The following WDR72 variants were observed in gnomAD, a reference collection of about 807,000 sequenced individuals.
The protein encoded by WDR72 is WD repeat-containing protein 72.
A neutral mutation model predicts 124.2 loss-of-function variants in WDR72; 120 were observed. That is an observed-to-expected ratio of 0.97 (90% CI 0.83 to 1.12). WDR72 has a LOEUF of 1.12. WDR72 is among the 50% of genes most tolerant of loss of function. WDR72 has a pLI of 0.00. For synonymous variants in WDR72, 452 were observed against 441.7 expected (o/e 1.02, Z -0.29); for missense variants, 1,387 against 1,278.8 (o/e 1.08, Z -1.29).
rs200546294 is a variant in WDR72 at position 53,702,141 on chromosome 15, T to C, written c.1562A>G (p.Lys521Arg). The C allele has an allele frequency of 6.2e-7, 1 of 1,611,994 alleles. No individual in the cohort carries two copies. The highest frequency in any genetic ancestry group is 2.2e-5 in the East Asian group (1 of 44,814). The change falls in exon 12 of 20, where the codon AAG becomes AGG. Residue 521 changes from lysine to arginine, a missense_variant. Transcript: ENST00000360509. ...TTTTACTCTTCGTCTTACTTTAAAC[T>C]TCTCTGGTGACATCAAAAGACTTGT... is the stretch of plus-strand genomic sequence containing the variant. ...PVTSLLMSPEKFKLRGEQIIC... is the reference protein window; with the variant it reads ...PVTSLLMSPERFKLRGEQIIC...
At chr15:53,664,854 T>C (rs1595830610) in intron 14 of WDR72, among the ~76,000 whole-genome samples, 1 of 152,076 alleles carries the variant, frequency 6.6e-6, no homozygotes, top group Admixed American at 6.6e-5. Context: ...AAAAGTTACA[T>C]ATTAATACCA....
intron 17 of WDR72, among the ~76,000 whole-genome samples, chr15:53,608,185 A>G (rs1320406546): frequency 2.6e-5 from 4 of 152,220 alleles, no homozygotes; most frequent in African/African-American, 9.6e-5. Flanking sequence ...AGTATATCAA[A>G]GAGAAATCTG....
chr15:53,556,343 C>G (rs1234204860), intron 18 of WDR72, among the ~76,000 whole-genome samples: 8 of 152,052 alleles, frequency 5.3e-5, no homozygotes, highest in Non-Finnish European at 1.0e-4. Context: ...GTGTTCCTTT[C>G]TTCATTTTAG....
intron 1 of WDR72, among the ~76,000 whole-genome samples, chr15:53,744,091 T>G (rs2018581725): frequency 6.6e-6 from 1 of 152,172 alleles, no homozygotes; most frequent in African/African-American, 2.4e-5. Flanking sequence ...AGGATTTTAG[T>G]AACGGAGTTC....
At position 53,516,140 on chromosome 15, in the gene WDR72, A is replaced by G. The variant is rs1305371206; in HGVS notation, c.*1559T>C. 1.3e-5 allele frequency: 2 copies of G among 152,164 alleles called. No homozygotes were observed. Among genetic ancestry groups the G allele is most frequent in the African/African-American group, 4.8e-5 (2 of 41,456 alleles). The allele number at this position is 152,164 out of a possible 1,614,324, so 9.4% of individuals were successfully genotyped here. A position where few individuals can be genotyped will look rare whatever the true frequency, so the allele number is the denominator to read the frequency against. On this transcript the variant is annotated 3_prime_UTR_variant, in exon 20 of 20. Coordinates refer to ENST00000360509, the MANE Select transcript of WDR72 (RefSeq NM_182758.4). Reference sequence around the variant, plus strand: ...TATCAATCAGTTTTCAAAGGATAATAATTTTCCATGATTATTCATATTAAT... The same window carrying G: ...TATCAATCAGTTTTCAAAGGATAATGATTTTCCATGATTATTCATATTAAT...
At chr15:53,744,899 G>A (rs1172722582) in intron 1 of WDR72, among the ~76,000 whole-genome samples, 2 of 152,104 alleles carry the variant, frequency 1.3e-5, no homozygotes, top group Admixed American at 6.6e-5. Context: ...TCTGGGGAAC[G>A]TAACCACCCC....
chr15:53,613,477 AAAGT>A (rs1342975492), intron 16 of WDR72, among the ~76,000 whole-genome samples, 185 bp downstream of exon 16: 1 of 152,098 alleles, frequency 6.6e-6, no homozygotes, highest in Non-Finnish European at 1.5e-5. Flanking sequence ...CTAAATGAAG[AAAGT>A]AAGGCCCAGA....
At chr15:53,708,575 T>A (rs1329345872) in intron 9 of WDR72, among the ~76,000 whole-genome samples, 1 of 152,148 alleles carries the variant, frequency 6.6e-6, no homozygotes, top group East Asian at 1.9e-4. Flanking sequence ...TCCTGGGAAT[T>A]CACCTCTCTG....
At chr15:53,643,084 A>G (rs1483467836) in intron 14 of WDR72, among the ~76,000 whole-genome samples, 2 of 152,272 alleles carry the variant, frequency 1.3e-5, no homozygotes, top group Admixed American at 1.3e-4. Context: ...AGTAGAAAAT[A>G]CCAGTTAGGA....
intron 2 of WDR72, among the ~76,000 whole-genome samples, chr15:53,726,127 CA>C (rs2018017660): frequency 1.3e-5 from 2 of 149,178 alleles, no homozygotes; most frequent in South Asian, 4.2e-4. Flanking sequence ...ATAAAACGTA[CA>C]ATACCAAGAG....
intron 3 of WDR72, among the ~76,000 whole-genome samples, chr15:53,720,032 T>C (rs989984119): frequency 2.6e-5 from 4 of 152,184 alleles, no homozygotes; most frequent in Non-Finnish European, 5.9e-5. Context: ...ATACATATGA[T>C]AATATGTAAT....
chr15:53,669,091 T>C (rs914673472), intron 13 of WDR72, among the ~76,000 whole-genome samples: 3 of 151,762 alleles, frequency 2.0e-5, no homozygotes, highest in African/African-American at 7.3e-5. Flanking sequence ...TTTTCTTGGT[T>C]CTCGTGTACT....
intron 14 of WDR72, among the ~76,000 whole-genome samples, chr15:53,647,393 A>T (rs1171611178): frequency 1.3e-5 from 2 of 152,130 alleles, no homozygotes; most frequent in Non-Finnish European, 2.9e-5. Flanking sequence ...AATAATAAAG[A>T]TAATCAAAAG....
At chr15:53,527,484 G>A (rs984939662) in intron 18 of WDR72, among the ~76,000 whole-genome samples, 2 of 152,044 alleles carry the variant, frequency 1.3e-5, no homozygotes, top group Non-Finnish European at 2.9e-5. Flanking sequence ...CTAGGCAACT[G>A]CTGTTGGACA....
Position 53,718,809 on chromosome 15 carries a change from C to T in WDR72, c.261-2124G>A, listed in dbSNP as rs114789231. On this transcript the variant is annotated intron_variant, in intron 3 of 19. Transcript: ENST00000360509. Reference sequence around the variant, plus strand: ...TTAAGATTTTTAAAAATTTTAAAAACCTTAAGATTTTTAAAAATTTTAAAA... The same window carrying T: ...TTAAGATTTTTAAAAATTTTAAAAATCTTAAGATTTTTAAAAATTTTAAAA... Among the ~76,000 whole-genome samples the T allele has an allele frequency of 6.4e-3, 532 of 82,562 alleles. 6 individuals are homozygous for T. The highest frequency in any genetic ancestry group is 0.02 in the African/African-American group (487 of 24,972). The allele number at this position is 82,562 out of a possible 152,430, so 54.2% of individuals were successfully genotyped here.
chr15:53,612,462 G>C (rs773633614), intron 16 of WDR72, among the ~76,000 whole-genome samples: 1 of 152,074 alleles, frequency 6.6e-6, no homozygotes, highest in Non-Finnish European at 1.5e-5. Flanking sequence ...GTAGCGGGTG[G>C]AGGGTGAGCA....
intron 14 of WDR72, among the ~76,000 whole-genome samples, chr15:53,660,292 G>T (rs1053974910): frequency 6.6e-6 from 1 of 151,930 alleles, no homozygotes; most frequent in African/African-American, 2.4e-5. Context: ...ATGTAGTATT[G>T]CCATGATGAA....
Position 53,630,307 on chromosome 15 carries a change from A to G in WDR72, c.1963-14064T>C, listed in dbSNP as rs116536603. ...AAAGTAGAGTTAATACCAGTTCTTG[A>G]TAAATATGTCCAAAAAAATAGAAGT... On this transcript the variant is annotated intron_variant, in intron 14 of 19. Coordinates refer to ENST00000360509, the MANE Select transcript of WDR72 (RefSeq NM_182758.4). Among the ~76,000 whole-genome samples, 1,430 of 152,300 alleles carry G rather than the reference A, an allele frequency of 9.4e-3. 30 individuals are homozygous for G. The highest frequency in any genetic ancestry group is 0.033 in the African/African-American group (1,380 of 41,572).
At chr15:53,664,405 C>T (rs1165709249) in intron 14 of WDR72, among the ~76,000 whole-genome samples, 1 of 152,096 alleles carries the variant, frequency 6.6e-6, no homozygotes, top group Non-Finnish European at 1.5e-5. Flanking sequence ...CTAAATCAGT[C>T]CTCTAAACCT....
Sources: gnomAD v4.1 joint callset for allele counts (sites outside exome capture counted in the v4.1 genomes callset) on GRCh38, gnomAD v4.1.1 for gene constraint, MANE v1.5 for transcripts, NCBI Gene and HGNC (gene_info 2026-07-23, HGNC 2026-07-21) for gene names.